Variants in COMMD10 observed in about 807,000 individuals in gnomAD.
COMMD10 encodes the protein COMM domain-containing protein 10.
A neutral mutation model predicts 28.9 loss-of-function variants in COMMD10; 33 were observed. The ratio of observed to expected loss-of-function variants is 1.14; its 90% CI spans 0.87 to 1.53. The LOEUF (loss-of-function observed/expected upper bound fraction) is 1.53, where lower values mean the gene tolerates loss of function less well. Ranked by LOEUF, COMMD10 falls within the 40% of genes most tolerant of loss-of-function variation. The pLI is 0.00. For synonymous variants in COMMD10, 110 were observed against 81.7 expected (o/e 1.35, Z -1.87); for missense variants, 310 against 233.4 (o/e 1.33, Z -2.14).
chr5:116,092,669 A>G lies in COMMD10; in HGVS notation c.368A>G (p.Lys123Arg). 1 of 1,608,676 alleles carries G rather than the reference A, an allele frequency of 6.2e-7. No homozygotes were observed. Among genetic ancestry groups the G allele is most frequent in the Non-Finnish European group, 8.5e-7 (1 of 1,177,460 alleles). ...TCTATGGGTCAAGAAACAGTTGAAAAGTTCCGGCAGAGAATTCTGGCTCCC... is the reference window on the plus strand; with the variant it reads ...TCTATGGGTCAAGAAACAGTTGAAAGGTTCCGGCAGAGAATTCTGGCTCCC... ...WSSMGQETVE[K>R]FRQRILAPCK... Residue 123 changes from lysine (K) to arginine (R), a missense_variant, in exon 4 of 7, where the codon AAG (lysine) becomes AGG (arginine). Coordinates refer to ENST00000274458, the MANE Select transcript of COMMD10 (RefSeq NM_016144.4).
Position 116,290,518 on chromosome 5 carries a change from G to A in COMMD10, c.511-999G>A, listed in dbSNP as rs80027877. On this transcript the variant is annotated intron_variant, in intron 5 of 6. Coordinates refer to ENST00000274458, the MANE Select transcript of COMMD10 (RefSeq NM_016144.4). Reference sequence around the variant, plus strand: ...TGGAGATAATTTGGTTTGAAATGTCGGCTTTGTAAATAGAAATGGAAATCA... The same window carrying A: ...TGGAGATAATTTGGTTTGAAATGTCAGCTTTGTAAATAGAAATGGAAATCA... Among the ~76,000 whole-genome samples, 782 of 151,832 alleles carry A rather than the reference G, an allele frequency of 5.2e-3. 25 individuals are homozygous for A. Among genetic ancestry groups the A allele is most frequent in the African/African-American group, 0.018 (749 of 41,226 alleles).
chr5:116,251,430 T>C (rs1037694754), intron 5 of COMMD10, among the ~76,000 whole-genome samples: 1 of 135,860 alleles, frequency 7.4e-6, no homozygotes, highest in South Asian at 2.6e-4. Flanking sequence ...CTCCCAATGC[T>C]ATCCCTCCCC....
intron 5 of COMMD10, among the ~76,000 whole-genome samples, chr5:116,167,269 G>A (rs1184767855): frequency 1.3e-5 from 2 of 151,750 alleles, no homozygotes; most frequent in South Asian, 2.1e-4. Context: ...ACTTAATGAA[G>A]TAAAGCATGA....
intron 5 of COMMD10, among the ~76,000 whole-genome samples, chr5:116,278,894 C>T (rs777157033): frequency 6.6e-6 from 1 of 151,846 alleles, no homozygotes; most frequent in East Asian, 1.9e-4. Context: ...AAGACTACTA[C>T]CATTGGGGTC....
intron 4 of COMMD10, among the ~76,000 whole-genome samples, chr5:116,126,248 C>T (rs560755911): frequency 1.2e-3 from 182 of 152,288 alleles, no homozygotes; most frequent in African/African-American, 4.1e-3. Context: ...AGGAGAACTA[C>T]AAACCACTGC....
chr5:116,249,873 A>G (rs1412180089), intron 5 of COMMD10, among the ~76,000 whole-genome samples: 1 of 151,934 alleles, frequency 6.6e-6, no homozygotes, highest in African/African-American at 2.4e-5. Flanking sequence ...CAATGACAGT[A>G]AAGTAATAAA....
intron 5 of COMMD10, among the ~76,000 whole-genome samples, chr5:116,153,851 G>A (rs1174420507): frequency 1.3e-5 from 2 of 152,104 alleles, no homozygotes; most frequent in Non-Finnish European, 2.9e-5. Flanking sequence ...AATGTGAAGA[G>A]TGAGAGAATG....
At chr5:116,177,417 T>G (rs1440871563) in intron 5 of COMMD10, among the ~76,000 whole-genome samples, 2 of 152,094 alleles carry the variant, frequency 1.3e-5, no homozygotes. Flanking sequence ...GACTGCATTA[T>G]TCTCCTAATT....
intron 5 of COMMD10, among the ~76,000 whole-genome samples, chr5:116,216,074 C>T (rs924977795): frequency 6.6e-6 from 1 of 152,062 alleles, no homozygotes; most frequent in Admixed American, 6.6e-5. Flanking sequence ...CAATCCAGAC[C>T]ATTACCACAT....
At chr5:116,183,719 T>C (rs1748050708) in intron 5 of COMMD10, among the ~76,000 whole-genome samples, 1 of 152,138 alleles carries the variant, frequency 6.6e-6, no homozygotes, top group African/African-American at 2.4e-5. Flanking sequence ...TCTGAATGAA[T>C]GTATAAATAT....
chr5:116,249,063 G>GA (rs1750039280), intron 5 of COMMD10, among the ~76,000 whole-genome samples: 2 of 151,858 alleles, frequency 1.3e-5, no homozygotes, highest in Non-Finnish European at 2.9e-5. Context: ...TTTAGTGAAA[G>GA]AAAAATATAT....
rs553254671 is a variant in COMMD10, at chr5:116,274,483, C to T, written c.511-17034C>T. Among the ~76,000 whole-genome samples the T allele has an allele frequency of 1.8e-4, 27 of 151,834 alleles. 1 individual carries two copies. The highest frequency in any genetic ancestry group is 6.6e-4 in the African/African-American group (27 of 41,218). On this transcript the variant is annotated intron_variant, in intron 5 of 6. Transcript: ENST00000274458. The stretch of plus-strand genomic sequence containing the variant: ...AGGTCAGATTTTTCCCAAAAGCTGA[C>T]AGCAGGTCACACTTGGCCTGCGGAC...
At chr5:116,104,269 C>T (rs1204555601) in intron 4 of COMMD10, among the ~76,000 whole-genome samples, 2 of 152,164 alleles carry the variant, frequency 1.3e-5, no homozygotes, top group African/African-American at 2.4e-5. Context: ...TTGATTCTTC[C>T]TATCCATGAG....
At chr5:116,115,315 C>A (rs1331705262) in intron 4 of COMMD10, among the ~76,000 whole-genome samples, 1 of 152,280 alleles carries the variant, frequency 6.6e-6, no homozygotes, top group African/African-American at 2.4e-5. Context: ...TTACCTTCTC[C>A]CACGTTGCAG....
intron 4 of COMMD10, among the ~76,000 whole-genome samples, chr5:116,118,938 G>A (rs985666704): frequency 2.0e-4 from 31 of 152,208 alleles, no homozygotes; most frequent in Non-Finnish European, 4.4e-5. Context: ...GAACTGTGCT[G>A]TTAGCAAAAT....
At chr5:116,158,666 T>C (rs555848660) in intron 5 of COMMD10, among the ~76,000 whole-genome samples, 13 of 151,998 alleles carry the variant, frequency 8.6e-5, no homozygotes, top group Admixed American at 7.9e-4. Context: ...AATTTTCATT[T>C]TAAATTATGT....
intron 4 of COMMD10, among the ~76,000 whole-genome samples, chr5:116,100,078 G>T (rs1750607909): frequency 2.0e-5 from 3 of 152,086 alleles, no homozygotes; most frequent in African/African-American, 4.8e-5. Flanking sequence ...ATAATTTTGT[G>T]TATGAAACAA....
intron 5 of COMMD10, among the ~76,000 whole-genome samples, chr5:116,243,341 T>A (rs753204296): frequency 1.3e-5 from 2 of 152,140 alleles, no homozygotes; most frequent in African/African-American, 2.4e-5. Context: ...AACTTCAAAT[T>A]TCACTCTTTT....
At chr5:116,199,606 A>T (rs1748612293) in intron 5 of COMMD10, among the ~76,000 whole-genome samples, 1 of 152,108 alleles carries the variant, frequency 6.6e-6, no homozygotes. Flanking sequence ...ACCATTATGT[A>T]TTCTTTCCCT....
Sources: allele counts gnomAD v4.1 joint callset (sites outside exome capture counted in the v4.1 genomes callset), GRCh38; gene constraint gnomAD v4.1.1; transcripts MANE v1.5; gene names NCBI Gene and HGNC (gene_info 2026-07-23, HGNC 2026-07-21).